The following CSTPP1 variants were observed in gnomAD, a reference collection of about 807,000 sequenced individuals.
CSTPP1 encodes centriolar satellite-associated tubulin polyglutamylase complex regulator 1.
chr11:47,086,382 T>G, the CSTPP1 span, among the ~76,000 whole-genome samples: 3 of 151,532 alleles, frequency 2.0e-5, no homozygotes, highest in Non-Finnish European at 1.5e-5. Flanking sequence ...CTCCAGCCTG[T>G]GTGATGGAGT....
chr11:47,142,211 C>G, the CSTPP1 span, among the ~76,000 whole-genome samples: 1 of 149,324 alleles, frequency 6.7e-6, no homozygotes, highest in Non-Finnish European at 1.5e-5. Context: ...CCACTGCACT[C>G]CAGGCTGGTG....
chr11:47,008,123 A>G, the CSTPP1 span, among the ~76,000 whole-genome samples: 1 of 151,964 alleles, frequency 6.6e-6, no homozygotes, highest in South Asian at 2.1e-4. Flanking sequence ...CTGCGCCACC[A>G]TGCCAGGCTA....
the CSTPP1 span, among the ~76,000 whole-genome samples, chr11:47,068,310 T>C: frequency 2.6e-5 from 4 of 152,166 alleles, no homozygotes; most frequent in Non-Finnish European, 5.9e-5. Context: ...GGTGGGCAGA[T>C]CATTTGAGGC....
At chr11:47,142,448 G>A in the CSTPP1 span, among the ~76,000 whole-genome samples, 1 of 151,948 alleles carries the variant, frequency 6.6e-6, no homozygotes, top group African/African-American at 2.4e-5. Flanking sequence ...TGCATATTTT[G>A]TGCCGGGAGC....
At chr11:47,055,849 A>G in the CSTPP1 span, among the ~76,000 whole-genome samples, 27 of 152,248 alleles carry the variant, frequency 1.8e-4, no homozygotes, top group African/African-American at 6.0e-4. Context: ...TTTCCCTTAC[A>G]GAATAAATGC....
At chr11:47,153,279 T>C in the CSTPP1 span, among the ~76,000 whole-genome samples, 1 of 152,194 alleles carries the variant, frequency 6.6e-6, no homozygotes, top group African/African-American at 2.4e-5. Flanking sequence ...GGGCACCCTC[T>C]TGTGGCCCTC....
chr11:46,996,478 A>G, the CSTPP1 span, among the ~76,000 whole-genome samples: 435 of 151,624 alleles, frequency 2.9e-3, 1 homozygote, highest in Non-Finnish European at 4.1e-3. Context: ...TAATTTTTGT[A>G]TTTTTAGTAG....
chr11:47,133,063 G>A, the CSTPP1 span, among the ~76,000 whole-genome samples: 2 of 152,186 alleles, frequency 1.3e-5, no homozygotes, highest in African/African-American at 2.4e-5. Flanking sequence ...GGGAAACTGA[G>A]GCATGGAGAG....
chr11:47,103,730 A>G, the CSTPP1 span: 1 of 138,682 alleles, frequency 7.2e-6, no homozygotes, highest in Non-Finnish European at 1.5e-5. Context: ...GCTGGAGTAA[A>G]GTGGTGCTAT....
chr11:47,002,836 T>C, the CSTPP1 span, among the ~76,000 whole-genome samples: 1 of 152,202 alleles, frequency 6.6e-6, no homozygotes, highest in Non-Finnish European at 1.5e-5. Flanking sequence ...CTTAGATAAA[T>C]AACTTGATTT....
At chr11:47,097,431 C>T in the CSTPP1 span, among the ~76,000 whole-genome samples, 1 of 51,922 alleles carries the variant, frequency 1.9e-5, no homozygotes, top group Admixed American at 1.6e-4. Context: ...CCCGGCCAGC[C>T]GCCCCGTCCG....
chr11:47,162,403 G>C, the CSTPP1 span, among the ~76,000 whole-genome samples: 1 of 152,164 alleles, frequency 6.6e-6, no homozygotes, highest in Non-Finnish European at 1.5e-5. Flanking sequence ...CTTCGCACAA[G>C]AGCAACCTTC....
the CSTPP1 span, among the ~76,000 whole-genome samples, chr11:47,101,190 A>G: frequency 3.2e-5 from 2 of 62,574 alleles, no homozygotes; most frequent in African/African-American, 1.4e-4. Context: ...TTTTTTTTTT[A>G]TTTTATTTTT....
At chr11:47,011,572 T>C in the CSTPP1 span, among the ~76,000 whole-genome samples, 105 of 152,358 alleles carry the variant, frequency 6.9e-4, 1 homozygote, top group African/African-American at 2.4e-3. Flanking sequence ...AAACGAAGTA[T>C]AGAGTCTCTC....
the CSTPP1 span, among the ~76,000 whole-genome samples, chr11:47,152,289 G>T: frequency 2.0e-5 from 3 of 151,948 alleles, no homozygotes; most frequent in African/African-American, 7.2e-5. Context: ...AAGGGCACCT[G>T]CAGGGCTGCC....
the CSTPP1 span, chr11:47,156,948 G>A: frequency 2.7e-6 from 4 of 1,490,042 alleles, no homozygotes; most frequent in South Asian, 2.5e-5. Context: ...GAGAAGGGAA[G>A]ACATAGTGAA....
At chr11:47,161,923 C>G in the CSTPP1 span, 1 of 1,188,000 alleles carries the variant, frequency 8.4e-7, no homozygotes, top group Non-Finnish European at 1.0e-6. Flanking sequence ...GCCTGTTAGT[C>G]CTCCTAACCT....
chr11:47,157,820 C>A, the CSTPP1 span: 3 of 1,613,962 alleles, frequency 1.9e-6, no homozygotes, highest in South Asian at 1.1e-5. Flanking sequence ...TAGCTGCCCA[C>A]CCCCAGCACT....
chr11:47,044,011 G>A, the CSTPP1 span, among the ~76,000 whole-genome samples: 5 of 152,058 alleles, frequency 3.3e-5, no homozygotes, highest in Non-Finnish European at 7.4e-5. Flanking sequence ...TTTTGAGATG[G>A]AGTCTCGCTC....
Sources: allele counts gnomAD v4.1 joint callset (sites outside exome capture counted in the v4.1 genomes callset), GRCh38; gene constraint gnomAD v4.1.1; transcripts MANE v1.5; gene names NCBI Gene and HGNC (gene_info 2026-07-23, HGNC 2026-07-21).